The following NTM variants were observed in gnomAD, a reference collection of about 807,000 sequenced individuals.
NTM encodes the protein neurotrimin.
A neutral mutation model predicts 42.1 loss-of-function variants in NTM; 13 were observed. The observed-to-expected ratio is 0.31, with a 90% CI of 0.20 to 0.49. The LOEUF is 0.49. NTM is among the 20% of genes least tolerant of loss of function. NTM has a pLI of 0.99. For synonymous variants in NTM, 187 were observed against 179.2 expected (o/e 1.04, Z -0.35); for missense variants, 373 against 452.8 (o/e 0.82, Z 1.60).
intron 1 of NTM, among the ~76,000 whole-genome samples, chr11:131,875,683 A>G (rs370344169): frequency 6.6e-5 from 10 of 152,356 alleles, no homozygotes; most frequent in South Asian, 2.1e-4. Flanking sequence ...TGCACAATGA[A>G]TCGCATAAGA....
chr11:131,798,267 T>C (rs2091790782), intron 1 of NTM, among the ~76,000 whole-genome samples: 1 of 152,226 alleles, frequency 6.6e-6, no homozygotes, highest in Non-Finnish European at 1.5e-5. Flanking sequence ...TGTCTGCTCC[T>C]CTTCCCAGTC....
chr11:132,248,853 C>T (rs1267237247), intron 4 of NTM, among the ~76,000 whole-genome samples: 1 of 152,248 alleles, frequency 6.6e-6, no homozygotes, highest in East Asian at 1.9e-4. Flanking sequence ...AGATGCATCT[C>T]TCCTCAGCTG....
chr11:131,723,168 T>A (rs1205389465), intron 1 of NTM, among the ~76,000 whole-genome samples: 1 of 152,216 alleles, frequency 6.6e-6, no homozygotes, highest in Non-Finnish European at 1.5e-5. Flanking sequence ...GTCTAGCCGT[T>A]GAAAGTTATG....
chr11:132,038,674 CA>C (rs2076802252), intron 2 of NTM, among the ~76,000 whole-genome samples: 1 of 152,194 alleles, frequency 6.6e-6, no homozygotes, highest in Non-Finnish European at 1.5e-5. Context: ...CCTGGCAGAC[CA>C]GCACGCTTCC....
At chr11:131,806,481 A>C (rs2092487407) in intron 1 of NTM, among the ~76,000 whole-genome samples, 1 of 152,152 alleles carries the variant, frequency 6.6e-6, no homozygotes, top group African/African-American at 2.4e-5. Context: ...GAAGAGAAAA[A>C]GTGCTCAACA....
At chr11:131,848,478 A>C (rs1412837076) in intron 1 of NTM, among the ~76,000 whole-genome samples, 1 of 152,190 alleles carries the variant, frequency 6.6e-6, no homozygotes, top group East Asian at 1.9e-4. Context: ...GCTGCCTGCC[A>C]GGCTATGGGG....
intron 2 of NTM, among the ~76,000 whole-genome samples, chr11:132,018,981 A>G (rs1257708435): frequency 6.6e-6 from 1 of 151,960 alleles, no homozygotes; most frequent in Non-Finnish European, 1.5e-5. Context: ...CATATAAATT[A>G]TCTAATTTGT....
intron 1 of NTM, among the ~76,000 whole-genome samples, chr11:131,723,281 A>G (rs1471236058): frequency 1.3e-5 from 2 of 152,222 alleles, no homozygotes; most frequent in African/African-American, 2.4e-5. Flanking sequence ...TGGAAAGGCA[A>G]CTGCAGCCCG....
intron 2 of NTM, among the ~76,000 whole-genome samples, chr11:132,021,311 C>G (rs1409192836): frequency 6.6e-6 from 1 of 151,886 alleles, no homozygotes; most frequent in Non-Finnish European, 1.5e-5. Context: ...ACATGGTTTT[C>G]TTTAGTTTTT....
intron 2 of NTM, among the ~76,000 whole-genome samples, chr11:132,113,826 G>A (rs1444468051): frequency 1.3e-5 from 2 of 152,182 alleles, no homozygotes; most frequent in Non-Finnish European, 2.9e-5. Flanking sequence ...GGGAGGACTA[G>A]AGAGACAAAG....
chr11:132,272,655 G>C (rs1565355322), intron 4 of NTM, among the ~76,000 whole-genome samples: 1 of 151,978 alleles, frequency 6.6e-6, no homozygotes, highest in Non-Finnish European at 1.5e-5. Flanking sequence ...AGTTGCTTTT[G>C]TAAATTCATT....
chr11:131,968,139 A>G (rs527712247), intron 2 of NTM, among the ~76,000 whole-genome samples: 1 of 152,324 alleles, frequency 6.6e-6, no homozygotes, highest in African/African-American at 2.4e-5. Flanking sequence ...CACTCTCACA[A>G]TGATCTTGTA....
chr11:131,488,583 C>T (rs909636545), intron 1 of NTM, among the ~76,000 whole-genome samples: 4 of 152,172 alleles, frequency 2.6e-5, no homozygotes, highest in Non-Finnish European at 2.9e-5. Context: ...TTCCACTTCA[C>T]GATGGCAAGT....
chr11:131,707,476 A>G (rs938307456), intron 1 of NTM, among the ~76,000 whole-genome samples: 1 of 152,086 alleles, frequency 6.6e-6, no homozygotes, highest in Non-Finnish European at 1.5e-5. Flanking sequence ...GTATCTCTTC[A>G]ATATACCAAT....
intron 1 of NTM, among the ~76,000 whole-genome samples, chr11:131,758,839 G>C (rs2083698580): frequency 6.6e-6 from 1 of 152,048 alleles, no homozygotes; most frequent in South Asian, 2.1e-4. Flanking sequence ...TAATCCACCT[G>C]CCTCGGCCTC....
At chr11:131,419,709 A>T (rs1184867299) in intron 1 of NTM, among the ~76,000 whole-genome samples, 1 of 152,172 alleles carries the variant, frequency 6.6e-6, no homozygotes, top group Non-Finnish European at 1.5e-5. Flanking sequence ...ATTTTATTTT[A>T]AGTGCAATGG....
intron 1 of NTM, among the ~76,000 whole-genome samples, chr11:131,854,493 C>A (rs1384699942): frequency 1.3e-5 from 2 of 152,106 alleles, no homozygotes; most frequent in Non-Finnish European, 2.9e-5. Flanking sequence ...GAGGGAAAAC[C>A]AGCACTGCAA....
chr11:131,755,618 A>G (rs75802732), intron 1 of NTM, among the ~76,000 whole-genome samples: 269 of 152,342 alleles, frequency 1.8e-3, no homozygotes, highest in Non-Finnish European at 3.4e-3. Flanking sequence ...TTTTATTTCC[A>G]AAACTTGGCA....
chr11:132,139,445 GT>G (rs2068645777), intron 2 of NTM, among the ~76,000 whole-genome samples: 1 of 152,208 alleles, frequency 6.6e-6, no homozygotes, highest in Non-Finnish European at 1.5e-5. Flanking sequence ...ACAAATCAAA[GT>G]GTTGTGCCAT....
Sources: gnomAD v4.1 joint callset for allele counts (sites outside exome capture counted in the v4.1 genomes callset) on GRCh38, gnomAD v4.1.1 for gene constraint, MANE v1.5 for transcripts, NCBI Gene and HGNC (gene_info 2026-07-23, HGNC 2026-07-21) for gene names.